Variants in NCK2 observed in about 807,000 individuals in gnomAD.
The protein encoded by NCK2 is cytoplasmic protein NCK2.
A neutral mutation model predicts 33.9 loss-of-function variants in NCK2; 16 were observed. That is an observed-to-expected ratio of 0.47 (90% confidence interval 0.32 to 0.72). The LOEUF (loss-of-function observed/expected upper bound fraction) is 0.72. Among genes scored for constraint, NCK2 ranks in the 30% least tolerant of loss-of-function variants. The pLI, the probability that NCK2 is intolerant of heterozygous loss-of-function variation, is 0.03. For synonymous variants in NCK2, 273 were observed against 239.9 expected, an observed-to-expected ratio of 1.14 and a Z score of -1.27; for missense variants, 418 against 537.3, an observed-to-expected ratio of 0.78 and a Z score of 2.19.
intron 1 of NCK2, among the ~76,000 whole-genome samples, chr2:105,806,169 T>C (rs1203920130): frequency 6.6e-6 from 1 of 152,066 alleles, no homozygotes. Context: ...TTAGGGATGC[T>C]CAGCCTTGTA....
chr2:105,860,076 C>T (rs556004668), intron 3 of NCK2, among the ~76,000 whole-genome samples: 3 of 152,218 alleles, frequency 2.0e-5, no homozygotes, highest in South Asian at 2.1e-4. Context: ...GTTGAGGCCA[C>T]GAATTTGAGA....
intron 1 of NCK2, among the ~76,000 whole-genome samples, chr2:105,795,963 T>C (rs889689960): frequency 6.6e-6 from 1 of 152,268 alleles, no homozygotes; most frequent in East Asian, 1.9e-4. Flanking sequence ...CGATATATTC[T>C]TTATTACCAG....
intron 2 of NCK2, among the ~76,000 whole-genome samples, chr2:105,816,955 T>C (rs1675513601): frequency 6.6e-6 from 1 of 152,138 alleles, no homozygotes; most frequent in South Asian, 2.1e-4. Flanking sequence ...AATAACCACT[T>C]TTCTGGTGCT....
rs544720425 is a variant in NCK2 at position 105,825,148 on chromosome 2, C to T, written c.-17+8535C>T. The stretch of plus-strand genomic sequence containing the variant: ...AGCTCTGTGAGTCCATGCCTACCAG[C>T]TGTAATGTAATGGGGATCATCTGGG... On this transcript the variant is annotated intron_variant, in intron 2 of 4. Coordinates refer to ENST00000233154, the MANE Select transcript of NCK2 (RefSeq NM_003581.5). Among the ~76,000 whole-genome samples, 474 of 152,206 alleles carry T rather than the reference C, an allele frequency of 3.1e-3. 5 individuals are homozygous for T. Among genetic ancestry groups the T allele is most frequent in the Non-Finnish European group, 2.0e-3 (134 of 68,014 alleles).
intron 2 of NCK2, among the ~76,000 whole-genome samples, chr2:105,838,811 A>G (rs1004551512): frequency 6.6e-6 from 1 of 152,186 alleles, no homozygotes; most frequent in African/African-American, 2.4e-5. Context: ...CTGAGTATAT[A>G]TATGCATGCT....
At chr2:105,866,611 G>A (rs1037374319) in intron 3 of NCK2, among the ~76,000 whole-genome samples, 4 of 152,184 alleles carry the variant, frequency 2.6e-5, no homozygotes, top group African/African-American at 9.7e-5. Context: ...TAGTGTTTGC[G>A]CTCCTGTGAG....
chr2:105,763,927 A>G (rs1212557194), intron 1 of NCK2, among the ~76,000 whole-genome samples: 1 of 152,264 alleles, frequency 6.6e-6, no homozygotes, highest in Non-Finnish European at 1.5e-5. Flanking sequence ...GTGTGAAGGT[A>G]CATTCTTAAA....
rs1553449506 is a variant in NCK2, at chr2:105,750,037, A to ACACACACACACACACACAC, written c.-201+4899_-201+4900insCACACACACACACACACAC. ...TGAGACCCTGTCTCAAAAGCAAACA[A>ACACACACACACACACACAC]ACACACACACACACACACACACACA... On this transcript the variant is annotated intron_variant, in intron 1 of 4. Coordinates refer to ENST00000233154, the MANE Select transcript of NCK2 (RefSeq NM_003581.5). Among the ~76,000 whole-genome samples, 4 of 144,456 alleles carry ACACACACACACACACACAC rather than the reference A, an allele frequency of 2.8e-5. No homozygotes were observed. In the East Asian group the frequency reaches 8.5e-4, roughly 31 times the overall value. 94.8% of individuals were successfully genotyped at this position (144,456 alleles called of 152,430 possible). A position where few individuals can be genotyped will look rare whatever the true frequency, so the allele number is the denominator to read the frequency against.
chr2:105,880,667 T>C (rs1164454899), intron 3 of NCK2, among the ~76,000 whole-genome samples: 1 of 152,190 alleles, frequency 6.6e-6, no homozygotes, highest in African/African-American at 2.4e-5. Context: ...AAAAAGATAT[T>C]TTCTCTGCAT....
intron 1 of NCK2, among the ~76,000 whole-genome samples, chr2:105,797,712 CAA>C (rs1437496889): frequency 2.0e-5 from 3 of 152,206 alleles, no homozygotes; most frequent in African/African-American, 7.2e-5. Context: ...TGAGCTGATG[CAA>C]AGTCTTTCGT....
At chr2:105,882,148 A>G (rs534667281) in intron 4 of NCK2, 99 bp downstream of exon 4, 5 of 1,287,176 alleles carry the variant, frequency 3.9e-6, no homozygotes, top group South Asian at 5.0e-5. Flanking sequence ...TGAGTACACT[A>G]GAAAGAGCGG....
intron 4 of NCK2, among the ~76,000 whole-genome samples, chr2:105,892,760 C>T (rs1354456778): frequency 5.3e-5 from 8 of 151,458 alleles, no homozygotes; most frequent in South Asian, 2.1e-4. Context: ...ACAGGAGAAT[C>T]GCTTGAACCC....
chr2:105,847,863 C>A (rs995985357), intron 2 of NCK2, among the ~76,000 whole-genome samples: 1 of 152,098 alleles, frequency 6.6e-6, no homozygotes, highest in African/African-American at 2.4e-5. Context: ...TAGCTAGATA[C>A]AAGCTGATAG....
chr2:105,820,437 G>A (rs1218773302), intron 2 of NCK2, among the ~76,000 whole-genome samples: 1 of 152,224 alleles, frequency 6.6e-6, no homozygotes, highest in African/African-American at 2.4e-5. Flanking sequence ...TGGGCTGAGA[G>A]CAGCTTGAGG....
chr2:105,787,666 TGGA>T (rs1254174391), intron 1 of NCK2, among the ~76,000 whole-genome samples: 1 of 152,048 alleles, frequency 6.6e-6, no homozygotes, highest in Non-Finnish European at 1.5e-5. Flanking sequence ...CTCCCTGCGG[TGGA>T]GACTCCACCC....
intron 1 of NCK2, among the ~76,000 whole-genome samples, chr2:105,781,010 C>G (rs116025549): frequency 6.6e-6 from 1 of 152,144 alleles, no homozygotes; most frequent in Non-Finnish European, 1.5e-5. Flanking sequence ...TCTCATTGCC[C>G]GAATCTAGAT....
chr2:105,875,799 A>T (rs115738500), intron 3 of NCK2, among the ~76,000 whole-genome samples: 2 of 152,226 alleles, frequency 1.3e-5, no homozygotes, highest in African/African-American at 2.4e-5. Context: ...GTATTTTGTT[A>T]TAGGCGCCTG....
chr2:105,844,462 G>A (rs1170687541), intron 2 of NCK2, among the ~76,000 whole-genome samples: 3 of 151,912 alleles, frequency 2.0e-5, no homozygotes, highest in East Asian at 3.9e-4. Flanking sequence ...GGTGGCTCAC[G>A]CCTGTAATCT....
intron 2 of NCK2, among the ~76,000 whole-genome samples, chr2:105,841,052 C>T (rs780024419): frequency 1.3e-5 from 2 of 152,186 alleles, no homozygotes; most frequent in African/African-American, 4.8e-5. Flanking sequence ...GTGTGGATTA[C>T]AAGCTTATCT....
Sources: gnomAD v4.1 joint callset for allele counts (sites outside exome capture counted in the v4.1 genomes callset) on GRCh38, gnomAD v4.1.1 for gene constraint, MANE v1.5 for transcripts, NCBI Gene and HGNC (gene_info 2026-07-23, HGNC 2026-07-21) for gene names.